Variants in ARHGEF11 observed in about 807,000 individuals in gnomAD.
ARHGEF11 encodes the protein Rho guanine exchange factor (GEF) 11.
ARHGEF11 carries 55 observed loss-of-function variants against 193.7 expected under a neutral mutation model. The ratio of observed to expected loss-of-function variants is 0.28; its 90% CI spans 0.23 to 0.36. The LOEUF (loss-of-function observed/expected upper bound fraction) is 0.36. Among genes scored for constraint, ARHGEF11 ranks in the 10% least tolerant of loss-of-function variants. The probability of loss-of-function intolerance (pLI) is 1.00; values close to 1 mark genes in which losing one functional copy is unlikely to be tolerated. For synonymous variants in ARHGEF11, 693 were observed against 768.0 expected (o/e 0.90, Z 1.62); for missense variants, 1,723 against 2,005.6 (o/e 0.86, Z 2.69).
At chr1:157,004,734 C>T (rs145862231) in intron 1 of ARHGEF11, among the ~76,000 whole-genome samples, 135 of 152,298 alleles carry the variant, frequency 8.9e-4, no homozygotes, top group African/African-American at 3.2e-3. Context: ...AAAACTTTCA[C>T]AGAAAGAGAA....
At chr1:156,956,776 A>T (rs1660020288) in intron 18 of ARHGEF11, among the ~76,000 whole-genome samples, 1 of 152,202 alleles carries the variant, frequency 6.6e-6, no homozygotes, top group South Asian at 2.1e-4. Flanking sequence ...CCCACAGGTA[A>T]CCAAGAATAA....
chr1:156,994,470 G>C (rs1422798783), intron 1 of ARHGEF11, among the ~76,000 whole-genome samples: 5 of 149,614 alleles, frequency 3.3e-5, no homozygotes, highest in African/African-American at 1.2e-4. Flanking sequence ...GAACTAGAAA[G>C]AGTGAGTGAA....
chr1:156,963,634 G>C (rs1237965342), intron 11 of ARHGEF11, 40 bp from the exon 12 acceptor site: 1 of 1,598,896 alleles, frequency 6.3e-7, no homozygotes, highest in Non-Finnish European at 8.5e-7. Context: ...AGAGGTTATA[G>C]AGGACAGAGG....
Position 156,943,922 on chromosome 1 carries a change from T to C in ARHGEF11, c.3235+13A>G, listed in dbSNP as rs1419897219. 6 of 1,604,522 alleles carry C rather than the reference T, an allele frequency of 3.7e-6. 1 individual carries two copies. In the South Asian group the frequency reaches 5.5e-5, roughly 15 times the overall value. On this transcript the variant is annotated intron_variant, in intron 32 of 40. Transcript: ENST00000368194. ...CTGAGCCCCAGGCCAGCCTGGACCA[T>C]CTCCCCAGGTACCTGTGGCCACAGA... is the stretch of plus-strand genomic sequence containing the variant.
At chr1:156,960,774 T>A (rs1660714556) in intron 14 of ARHGEF11, among the ~76,000 whole-genome samples, 1 of 152,222 alleles carries the variant, frequency 6.6e-6, no homozygotes, top group East Asian at 1.9e-4. Context: ...CTGTGCTGAC[T>A]TAGCAGCAAG....
At chr1:157,007,913 G>GTTTTTTTTTTTTTTTT (rs10580966) in intron 1 of ARHGEF11, among the ~76,000 whole-genome samples, 1 of 118,846 alleles carries the variant, frequency 8.4e-6, no homozygotes, top group African/African-American at 3.1e-5. Context: ...TTTTTTTTTT[G>GTTTTTTTTTTTTTTTT]TTTTTTTTTT....
At chr1:157,010,597 T>TG (rs71084207) in intron 1 of ARHGEF11, among the ~76,000 whole-genome samples, 148,368 of 152,054 alleles carry the variant, frequency 0.98, 72,498 homozygotes, top group Middle Eastern at 1. Flanking sequence ...TTTGTAGAGA[T>TG]GGGTCTTGCT....
intron 2 of ARHGEF11, among the ~76,000 whole-genome samples, chr1:156,985,026 TA>T (rs924009263): frequency 3.3e-5 from 5 of 151,600 alleles, no homozygotes; most frequent in African/African-American, 1.2e-4. Context: ...ATGTATCCTT[TA>T]AAAAAATACA....
chr1:156,954,462 G>C (rs1027342462), intron 21 of ARHGEF11, among the ~76,000 whole-genome samples: 3 of 150,672 alleles, frequency 2.0e-5, no homozygotes, highest in Non-Finnish European at 4.4e-5. Flanking sequence ...CAATGTGTGA[G>C]GGTTCCCCTC....
At position 156,956,548 on chromosome 1, in the gene ARHGEF11, C is replaced by A. The variant is rs142134087; in HGVS notation, c.1543G>T (p.Ala515Ser). Residue 515 changes from alanine to serine, a missense_variant, in exon 19 of 41, where the codon GCC becomes TCC. Around this residue, in one of 5 missense-constraint regions of ARHGEF11, gnomAD observed 646 missense variants for 710.7 expected, o/e 0.91. Transcript: ENST00000368194. The part of the protein sequence containing the change: ...EEDRSAPMDF[A>S]LNTYMSHAGI... Reference sequence around the variant, plus strand: ...GCATGGCTCATGTAGGTATTGAGGGCGAAGTCCATGGGGGCGCTGTAAAAG... The same window carrying A: ...GCATGGCTCATGTAGGTATTGAGGGAGAAGTCCATGGGGGCGCTGTAAAAG... 7.4e-6 allele frequency: 12 copies of A among 1,613,944 alleles called. No homozygotes were observed. The East Asian group carries it at 8.9e-5, about 12-fold the overall frequency.
intron 9 of ARHGEF11, among the ~76,000 whole-genome samples, chr1:156,969,719 G>C (rs574329791): frequency 6.6e-6 from 1 of 152,146 alleles, no homozygotes; most frequent in Non-Finnish European, 1.5e-5. Context: ...GAATTCCTTA[G>C]TGCCAGGAGC....
At chr1:156,957,442 T>C (rs553513418) in intron 18 of ARHGEF11, among the ~76,000 whole-genome samples, 55 of 152,268 alleles carry the variant, frequency 3.6e-4, no homozygotes, top group African/African-American at 1.3e-3. Flanking sequence ...CTGTTACTAC[T>C]TGAGGTAGTT....
chr1:156,966,028 T>C (rs1036108734), intron 11 of ARHGEF11, among the ~76,000 whole-genome samples: 2 of 152,176 alleles, frequency 1.3e-5, no homozygotes, highest in Non-Finnish European at 1.5e-5. Flanking sequence ...GTAAGCCACA[T>C]AGGGAAGTAA....
At chr1:156,978,168 AT>A (rs1377239558) in intron 6 of ARHGEF11, 35 bp downstream of exon 6, 1 of 1,613,562 alleles carries the variant, frequency 6.2e-7, no homozygotes, top group East Asian at 2.2e-5. Flanking sequence ...TCAACAGGAC[AT>A]TAGGGTGAGG....
chr1:156,975,691 A>G, intron 7 of ARHGEF11, among the ~76,000 whole-genome samples: 1 of 152,234 alleles, frequency 6.6e-6, no homozygotes, highest in East Asian at 1.9e-4. Context: ...TTTTAAAAAT[A>G]GTTTTGGCTC....
intron 21 of ARHGEF11, among the ~76,000 whole-genome samples, chr1:156,952,037 T>C (rs1571213876): frequency 6.6e-6 from 1 of 152,120 alleles, no homozygotes. Context: ...AAAAGCCACA[T>C]ACAGGTTAAA....
intron 1 of ARHGEF11, among the ~76,000 whole-genome samples, chr1:157,018,982 G>A (rs929117141): frequency 1.1e-4 from 16 of 152,218 alleles, no homozygotes; most frequent in Admixed American, 3.3e-4. Context: ...AAAAAGTAAC[G>A]AAGAATAAAT....
rs775310657 is a variant in ARHGEF11, at chr1:156,969,355, C to T, written c.752G>A (p.Arg251Gln). Residue 251 changes from arginine (R) to glutamine (Q), a missense_variant, in exon 10 of 41, where the codon CGG becomes CAG. Transcript: ENST00000368194. ...GDTSQRPSEGRLSLDSQEGDS... is the reference protein window; with the variant it reads ...GDTSQRPSEGQLSLDSQEGDS... ...CCCCTCCTGGGAATCCAGAGAGAGC[C>T]GGCCTGAGAAGAAAATAGTTTCTAT... 12 of 1,605,978 alleles carry T rather than the reference C, an allele frequency of 7.5e-6. No homozygotes were observed. Among genetic ancestry groups the T allele is most frequent in the East Asian group, 2.2e-5 (1 of 44,730 alleles).
Position 156,961,715 on chromosome 1 carries a change from C to T in ARHGEF11, c.1201G>A (p.Gly401Arg). Residue 401 changes from glycine (G) to arginine (R), a missense_variant, in exon 14 of 41, where the codon GGG becomes AGG. Physicochemically the swap from Gly to Arg is moderately radical, Grantham distance 125. Coordinates refer to ENST00000368194, the MANE Select transcript of ARHGEF11 (RefSeq NM_198236.3). ...QASPKDSRSL[G>R]KDIWNIFLEK... ...AGGAAAATATTCCAGATGTCTTTCC[C>T]CAAGCTTCGGGAATCCTTGGGGCTT... 6.2e-7 allele frequency: 1 copy of T among 1,614,166 alleles called. No homozygotes were observed. Among genetic ancestry groups the T allele is most frequent in the Non-Finnish European group, 8.5e-7 (1 of 1,180,024 alleles).
Sources: allele counts gnomAD v4.1 joint callset (sites outside exome capture counted in the v4.1 genomes callset), GRCh38; gene constraint gnomAD v4.1.1; regional missense constraint gnomAD v4.1.1; transcripts MANE v1.5; gene names NCBI Gene and HGNC (gene_info 2026-07-23, HGNC 2026-07-21).